CRACR2A: variants seen among roughly 807,000 people sequenced by gnomAD.
CRACR2A encodes the protein calcium release activated channel regulator 2A, also known as EF-hand calcium-binding domain-containing protein 4B.
In CRACR2A, 79 loss-of-function variants were observed where a neutral mutation model predicts 90.5. The observed-to-expected ratio is 0.87, with a 90% CI of 0.73 to 1.05. The LOEUF is 1.05. CRACR2A is among the 50% of genes least tolerant of loss of function. The pLI is 0.00. For missense variants in CRACR2A, 823 were observed against 897.2 expected (o/e 0.92, Z 1.06); for synonymous variants, 338 against 356.7 (o/e 0.95, Z 0.59).
At chr12:3,636,372 C>T (rs984311638) in intron 14 of CRACR2A, among the ~76,000 whole-genome samples, 3 of 152,202 alleles carry the variant, frequency 2.0e-5, no homozygotes, top group African/African-American at 7.2e-5. Flanking sequence ...GCTGCAGTTC[C>T]TGTTCCCAGC....
At chr12:3,642,116 T>C (rs1944583444) in intron 12 of CRACR2A, among the ~76,000 whole-genome samples, 1 of 152,178 alleles carries the variant, frequency 6.6e-6, no homozygotes, top group African/African-American at 2.4e-5. Flanking sequence ...GCACTGATGA[T>C]TTGTAAAAGG....
intron 6 of CRACR2A, among the ~76,000 whole-genome samples, chr12:3,674,686 G>A (rs939350653): frequency 6.6e-6 from 1 of 152,150 alleles, no homozygotes; most frequent in African/African-American, 2.4e-5. Flanking sequence ...TAGCAAAGTA[G>A]AGAATAAATA....
intron 13 of CRACR2A, chr12:3,640,916 G>C (rs1944554987): frequency 2.0e-6 from 2 of 994,752 alleles, no homozygotes; most frequent in African/African-American, 3.4e-5. Flanking sequence ...TTATGTTTGA[G>C]TTAATTAAAT....
rs765943563 is a variant in CRACR2A at position 3,666,364 on chromosome 12, T to TGTGCGCGC, written c.672-6711_672-6710insGCGCGCAC. ...GTGTGTGTGTGTGTGTGCGTGCGTG[T>TGTGCGCGC]GCGCGTGCGCGCGCACGCGCGCACA... On this transcript the variant is annotated intron_variant, in intron 7 of 19. Transcript: ENST00000440314. 2.6e-3 allele frequency among the ~76,000 whole-genome samples: 393 copies of TGTGCGCGC among 149,592 alleles called. 2 individuals carry two copies. The highest frequency in any genetic ancestry group is 8.8e-3 in the African/African-American group (356 of 40,296).
At chr12:3,660,532 C>T (rs1591665280) in intron 7 of CRACR2A, among the ~76,000 whole-genome samples, 2 of 152,138 alleles carry the variant, frequency 1.3e-5, no homozygotes, top group East Asian at 1.9e-4. Context: ...TTTTGTAGGT[C>T]ATCCCCACGG....
intron 3 of CRACR2A, among the ~76,000 whole-genome samples, chr12:3,702,035 C>G (rs958651811): frequency 1.3e-5 from 2 of 152,046 alleles, no homozygotes; most frequent in Non-Finnish European, 2.9e-5. Flanking sequence ...ATGTAATTTA[C>G]CATATTAACA....
At chr12:3,660,769 A>C (rs1257889839) in intron 7 of CRACR2A, among the ~76,000 whole-genome samples, 1 of 151,168 alleles carries the variant, frequency 6.6e-6, no homozygotes, top group Non-Finnish European at 1.5e-5. Flanking sequence ...CATCCTGTTA[A>C]GGAAACTTCA....
At chr12:3,687,918 T>C (rs1300229626) in intron 4 of CRACR2A, among the ~76,000 whole-genome samples, 2 of 152,260 alleles carry the variant, frequency 1.3e-5, no homozygotes, top group African/African-American at 4.8e-5. Flanking sequence ...ATTGTGGTTT[T>C]GATTTGCGTT....
At chr12:3,741,713 G>C (rs1157080857) in intron 1 of CRACR2A, among the ~76,000 whole-genome samples, 1 of 152,268 alleles carries the variant, frequency 6.6e-6, no homozygotes, top group Middle Eastern at 3.4e-3. Flanking sequence ...CTGTCTGCCC[G>C]CTTCCAGCTT....
At chr12:3,618,732 A>G (rs1867746944) in intron 18 of CRACR2A, among the ~76,000 whole-genome samples, 1 of 152,182 alleles carries the variant, frequency 6.6e-6, no homozygotes, top group African/African-American at 2.4e-5. Context: ...TTGTTGCCTG[A>G]TTTCCATTAA....
At chr12:3,643,324 T>C (rs981897744) in intron 12 of CRACR2A, among the ~76,000 whole-genome samples, 5 of 152,196 alleles carry the variant, frequency 3.3e-5, no homozygotes, top group African/African-American at 4.8e-5. Context: ...CTGCTGACCA[T>C]ATCTAGGTCA....
At chr12:3,725,867 A>G (rs1176215046) in intron 2 of CRACR2A, 1 of 152,136 alleles carries the variant, frequency 6.6e-6, no homozygotes, top group Non-Finnish European at 1.5e-5. Flanking sequence ...TGAAGAAGAC[A>G]TTGTAAAGAA....
At chr12:3,742,893 T>C (rs766124950) in intron 1 of CRACR2A, among the ~76,000 whole-genome samples, 2 of 152,256 alleles carry the variant, frequency 1.3e-5, no homozygotes, top group Admixed American at 6.5e-5. Flanking sequence ...ACATGCTATC[T>C]GGGGAGGTCA....
At chr12:3,706,306 C>A (rs1013424553) in intron 3 of CRACR2A, among the ~76,000 whole-genome samples, 8 of 152,200 alleles carry the variant, frequency 5.3e-5, no homozygotes, top group Admixed American at 2.6e-4. Flanking sequence ...GCTCTCTCCA[C>A]CCCCGTGCAG....
chr12:3,745,701 G>T (rs1946602540), intron 1 of CRACR2A, among the ~76,000 whole-genome samples: 1 of 151,436 alleles, frequency 6.6e-6, no homozygotes, highest in Admixed American at 6.6e-5. Context: ...TTGAACCCAG[G>T]AGGTGTAGGT....
intron 2 of CRACR2A, among the ~76,000 whole-genome samples, chr12:3,716,047 C>T (rs989984190): frequency 2.6e-5 from 4 of 151,770 alleles, no homozygotes; most frequent in African/African-American, 9.7e-5. Flanking sequence ...TCTCTGGTGA[C>T]ACTCTCCCAG....
chr12:3,676,433 T>C (rs574646052), intron 6 of CRACR2A, among the ~76,000 whole-genome samples: 4 of 152,342 alleles, frequency 2.6e-5, no homozygotes, highest in Admixed American at 6.5e-5. Flanking sequence ...TGAATGTTTA[T>C]ATCTCCTACA....
intron 1 of CRACR2A, among the ~76,000 whole-genome samples, chr12:3,741,143 T>C (rs1432768077): frequency 6.6e-6 from 1 of 152,204 alleles, no homozygotes; most frequent in Non-Finnish European, 1.5e-5. Context: ...CATTTTCCAC[T>C]TTCTGTAGGC....
chr12:3,744,125 C>T (rs955654713), intron 1 of CRACR2A, among the ~76,000 whole-genome samples: 1 of 152,204 alleles, frequency 6.6e-6, no homozygotes, highest in Non-Finnish European at 1.5e-5. Flanking sequence ...CAAACCCCTG[C>T]TAGCCAGAGA....
Sources: gnomAD v4.1 joint callset for allele counts (sites outside exome capture counted in the v4.1 genomes callset) on GRCh38, gnomAD v4.1.1 for gene constraint, MANE v1.5 for transcripts, NCBI Gene and HGNC (gene_info 2026-07-23, HGNC 2026-07-21) for gene names.